Variants in KCNC1 observed in about 807,000 individuals in gnomAD.
The protein encoded by KCNC1 is potassium voltage-gated channel subfamily C member 1.
In KCNC1, 8 loss-of-function variants were observed where a neutral mutation model predicts 43.4. That is an observed-to-expected ratio of 0.18 (90% CI 0.11 to 0.33). The LOEUF is 0.33. KCNC1 is among the 10% of genes least tolerant of loss of function. The probability of loss-of-function intolerance (pLI) is 1.00; values close to 1 mark genes in which losing one functional copy is unlikely to be tolerated. For synonymous variants in KCNC1, 361 were observed against 360.5 expected, an observed-to-expected ratio of 1.00 and a Z score of -0.01; for missense variants, 420 against 836.0, an observed-to-expected ratio of 0.50 and a Z score of 6.14.
intron 2 of KCNC1, chr11:17,775,252 T>C (rs1465988800): frequency 1.5e-5 from 15 of 985,500 alleles, no homozygotes; most frequent in Non-Finnish European, 1.8e-5. Context: ...AGTTAGGGGC[T>C]GTGTGTGGCA....
rs990098280 is a variant in KCNC1 at position 17,771,178 on chromosome 11, C to T, written c.571-487C>T. 7.2e-5 allele frequency among the ~76,000 whole-genome samples: 11 copies of T among 152,142 alleles called. No individual in the cohort carries two copies. The highest frequency in any genetic ancestry group is 1.5e-4 in the Non-Finnish European group (10 of 68,034). ...GTTGGGAGAACAAATGGAGATCTGG[C>T]CTCTGAGGGGCTTCATTCCACTCTA... On this transcript the variant is annotated intron_variant, in intron 1 of 3. Transcript: ENST00000265969. This position sits in a 1 kb window ranked among gnomAD's most constrained non-coding sequence, Gnocchi z 4.7.
intron 2 of KCNC1, chr11:17,775,187 C>T: frequency 1.0e-6 from 1 of 985,624 alleles, no homozygotes; most frequent in Non-Finnish European, 1.2e-6. Context: ...ACCCCCAAGG[C>T]AGTCTAGTGG....
intron 2 of KCNC1, chr11:17,775,912 C>G: frequency 1.0e-6 from 1 of 985,568 alleles, no homozygotes; most frequent in South Asian, 4.7e-5. Context: ...GGTCTAAAGT[C>G]CCCTATCCCC....
chr11:17,752,717 A>G (rs1848982524), intron 1 of KCNC1, among the ~76,000 whole-genome samples: 1 of 152,346 alleles, frequency 6.6e-6, no homozygotes, highest in Non-Finnish European at 1.5e-5. Context: ...ACCATGGACA[A>G]CTTAACCTCT....
chr11:17,745,869 T>A (rs781586760), intron 1 of KCNC1, among the ~76,000 whole-genome samples: 2 of 152,184 alleles, frequency 1.3e-5, no homozygotes, highest in Non-Finnish European at 2.9e-5. Context: ...CTTTGCTCTT[T>A]TCTCCTTGGC....
rs371043264 is a variant in KCNC1, at chr11:17,755,368, G to A, written c.571-16297G>A. Among the ~76,000 whole-genome samples the A allele has an allele frequency of 1.4e-4, 22 of 152,230 alleles. 1 individual carries two copies. The highest frequency in any genetic ancestry group is 4.8e-4 in the African/African-American group (20 of 41,542). ...TCTGAGCAGAGAAATGACACAGTTC[G>A]ATTCATGTTTTAAAAGCTGTGTTGA... On this transcript the variant is annotated intron_variant, in intron 1 of 3. Coordinates refer to ENST00000265969, the MANE Select transcript of KCNC1 (RefSeq NM_001112741.2).
In KCNC1 at chr11:17,772,381, C is replaced by T. The variant is rs139804857; in HGVS notation, c.1287C>T (p.Ala429=). 2 of 1,614,208 alleles carry T rather than the reference C, an allele frequency of 1.2e-6. No homozygotes were observed. Among genetic ancestry groups the T allele is most frequent in the Non-Finnish European group, 1.7e-6 (2 of 1,180,048 alleles). Residue 429 remains alanine (A), a synonymous_variant, in exon 2 of 4, where the codon GCC becomes GCT. Transcript: ENST00000265969. ...LCALAGVLTI[A]MPVPVIVNNF... The stretch of plus-strand genomic sequence containing the variant: ...CGCTGGCGGGCGTGCTCACCATCGC[C>T]ATGCCCGTGCCCGTCATCGTGAACA...
rs117744305 is a variant in KCNC1 at position 17,739,968 on chromosome 11, C to G, written c.570+3396C>G. Among the ~76,000 whole-genome samples the G allele has an allele frequency of 0.036, 5,552 of 152,264 alleles. 115 individuals carry two copies. The highest frequency in any genetic ancestry group is 0.04 in the African/African-American group (1,647 of 41,548). ...CCCACTGCCTCAGTCTCTGGGACTC[C>G]GGAGTGGCCTAACTGAGGGCATTTC... On this transcript the variant is annotated intron_variant, in intron 1 of 3. Transcript: ENST00000265969. The surrounding 1 kb of genome is among the most constrained non-coding windows in gnomAD (Gnocchi z 4.2).
In KCNC1 at chr11:17,776,059, G is replaced by C; in HGVS notation, c.1505-3397G>C. ...AGTTTCTGCAGGGACCCAGCTGCAGGGTCAGCAGCCTGTGGGCCCTGAGTG... is the reference window on the plus strand; with the variant it reads ...AGTTTCTGCAGGGACCCAGCTGCAGCGTCAGCAGCCTGTGGGCCCTGAGTG... On this transcript the variant is annotated intron_variant, in intron 2 of 3. Coordinates refer to ENST00000265969, the MANE Select transcript of KCNC1 (RefSeq NM_001112741.2). The surrounding 1 kb of genome is among the most constrained non-coding windows in gnomAD (Gnocchi z 4.4). 1.0e-6 allele frequency: 1 copy of C among 985,418 alleles called. No individual in the cohort carries two copies. Among genetic ancestry groups the C allele is most frequent in the African/African-American group, 1.7e-5 (1 of 57,336 alleles). 61.0% of individuals were successfully genotyped at this position (985,418 alleles called of 1,614,324 possible). A position where few individuals can be genotyped will look rare whatever the true frequency, so the allele number is the denominator to read the frequency against.
At chr11:17,741,746 C>T (rs907440978) in intron 1 of KCNC1, among the ~76,000 whole-genome samples, 2 of 152,244 alleles carry the variant, frequency 1.3e-5, no homozygotes, top group Admixed American at 1.3e-4. Flanking sequence ...CTGTCTCCAT[C>T]GCTTACCAAA....
At position 17,781,072 on chromosome 11, in the gene KCNC1, T is replaced by C. The variant is rs1236266743; in HGVS notation, c.1694-598T>C. ...GCAGGTAGACGGTTCCCAGTGTCTG[T>C]GCCCTGCCCAGTAAGCTCTCGTGGG... On this transcript the variant is annotated intron_variant, in intron 3 of 3. Coordinates refer to ENST00000265969, the MANE Select transcript of KCNC1 (RefSeq NM_001112741.2). This position sits in a 1 kb window ranked among gnomAD's most constrained non-coding sequence, Gnocchi z 5.1. 6.6e-6 allele frequency: 1 copy of C among 152,298 alleles called. No homozygotes were observed. Among genetic ancestry groups the C allele is most frequent in the East Asian group, 1.9e-4 (1 of 5,204 alleles). 9.4% of individuals were successfully genotyped at this position (152,298 alleles called of 1,614,324 possible). A position where few individuals can be genotyped will look rare whatever the true frequency, so the allele number is the denominator to read the frequency against.
At position 17,777,249 on chromosome 11, in the gene KCNC1, G is replaced by A; in HGVS notation, c.1505-2207G>A. On this transcript the variant is annotated intron_variant, in intron 2 of 3. Coordinates refer to ENST00000265969, the MANE Select transcript of KCNC1 (RefSeq NM_001112741.2). This position sits in a 1 kb window ranked among gnomAD's most constrained non-coding sequence, Gnocchi z 4.3. ...CCACAGAGGCAGAGGCAGAGAGAAG[G>A]CACCCCCCTCTGACCCACCCCTCCC... 2.3e-5 allele frequency: 23 copies of A among 985,768 alleles called. No individual in the cohort carries two copies. Among genetic ancestry groups the A allele is most frequent in the Non-Finnish European group, 2.8e-5 (23 of 830,054 alleles). The allele number at this position is 985,768 out of a possible 1,614,324, so 61.1% of individuals were successfully genotyped here.
intron 2 of KCNC1, chr11:17,775,281 T>TGCCCCCCCCCCCC: frequency 7.5e-6 from 7 of 935,842 alleles, no homozygotes; most frequent in Non-Finnish European, 8.9e-6. Context: ...TCTGAGGGCA[T>TGCCCCCCCCCCCC]CCCTCCCGCC....
rs1488830578 is a variant in KCNC1, at chr11:17,777,996, TC to T, written c.1505-1454del. Among the ~76,000 whole-genome samples the T allele has an allele frequency of 3.3e-5, 5 of 152,224 alleles. No homozygotes were observed. In the East Asian group the frequency reaches 5.8e-4, roughly 18 times the overall value. On this transcript the variant is annotated intron_variant, in intron 2 of 3. Coordinates refer to ENST00000265969, the MANE Select transcript of KCNC1 (RefSeq NM_001112741.2). The surrounding 1 kb of genome is among the most constrained non-coding windows in gnomAD (Gnocchi z 4.3). ...CGGGTGGACATTGTCTCCAGCCTTT[TC>T]CCCCCACTCTACTCTTTCAGAGAGC...
rs562216368 is a variant in KCNC1 at position 17,745,570 on chromosome 11, C to T, written c.570+8998C>T. On this transcript the variant is annotated intron_variant, in intron 1 of 3. Coordinates refer to ENST00000265969, the MANE Select transcript of KCNC1 (RefSeq NM_001112741.2). ...GTGCTATCGGACCAAGTCAGCCCTC[C>T]GCTCCATCTCACGCTGGGGTCTGGG... Among the ~76,000 whole-genome samples, 91 of 152,250 alleles carry T rather than the reference C, an allele frequency of 6.0e-4. 2 individuals carry two copies. The South Asian group carries it at 0.012, about 21-fold the overall frequency.
At chr11:17,744,472 C>T (rs1848876221) in intron 1 of KCNC1, among the ~76,000 whole-genome samples, 1 of 152,242 alleles carries the variant, frequency 6.6e-6, no homozygotes, top group Admixed American at 6.5e-5. Flanking sequence ...AGTGATCGCA[C>T]CCCTGCCTGA....
rs745968113 is a variant in KCNC1 at position 17,771,730 on chromosome 11, C to T, written c.636C>T (p.His212=). 33 of 1,613,566 alleles carry T rather than the reference C, an allele frequency of 2.0e-5. No individual in the cohort carries two copies. The highest frequency in any genetic ancestry group is 1.0e-4 in the Admixed American group (6 of 60,008). Reference sequence around the variant, plus strand: ...TCACCACCTTCTGCCTGGAGACCCACGAGCGCTTCAACCCCATCGTGAACA... The same window carrying T: ...TCACCACCTTCTGCCTGGAGACCCATGAGCGCTTCAACCCCATCGTGAACA... ...VSITTFCLET[H]ERFNPIVNKT... Residue 212 remains histidine, a synonymous_variant, in exon 2 of 4, where the codon CAC becomes CAT. Coordinates refer to ENST00000265969, the MANE Select transcript of KCNC1 (RefSeq NM_001112741.2). The surrounding 1 kb of genome is among the most constrained non-coding windows in gnomAD (Gnocchi z 4.7).
rs1848854934 is a variant in KCNC1, at chr11:17,742,551, G to C, written c.570+5979G>C. ...CCCCAGCGTGAGCTCCCCTCTGCTA[G>C]GTGCAAGGTTAGAGGAAAAGGAGGG... On this transcript the variant is annotated intron_variant, in intron 1 of 3. Coordinates refer to ENST00000265969, the MANE Select transcript of KCNC1 (RefSeq NM_001112741.2). The surrounding 1 kb of genome is among the most constrained non-coding windows in gnomAD (Gnocchi z 4.2). Among the ~76,000 whole-genome samples, 1 of 152,214 alleles carries C rather than the reference G, an allele frequency of 6.6e-6. No individual in the cohort carries two copies. The highest frequency in any genetic ancestry group is 2.1e-4 in the South Asian group (1 of 4,828).
rs988339025 is a variant in KCNC1 at position 17,776,031 on chromosome 11, G to A, written c.1505-3425G>A. On this transcript the variant is annotated intron_variant, in intron 2 of 3. Coordinates refer to ENST00000265969, the MANE Select transcript of KCNC1 (RefSeq NM_001112741.2). This position sits in a 1 kb window ranked among gnomAD's most constrained non-coding sequence, Gnocchi z 4.4. Reference sequence around the variant, plus strand: ...CTGACTAGGCGGCGGGTGGGGCTAAGAGAGTTTCTGCAGGGACCCAGCTGC... The same window carrying A: ...CTGACTAGGCGGCGGGTGGGGCTAAAAGAGTTTCTGCAGGGACCCAGCTGC... 1.4e-5 allele frequency: 14 copies of A among 985,358 alleles called. No homozygotes were observed. The highest frequency in any genetic ancestry group is 1.7e-5 in the Non-Finnish European group (14 of 830,000). 61.0% of individuals were successfully genotyped at this position (985,358 alleles called of 1,614,324 possible).
Sources: gnomAD v4.1 joint callset for allele counts (sites outside exome capture counted in the v4.1 genomes callset) on GRCh38, gnomAD v4.1.1 for gene constraint, Gnocchi (gnomAD v3.1) non-coding constraint, MANE v1.5 for transcripts, NCBI Gene and HGNC (gene_info 2026-07-23, HGNC 2026-07-21) for gene names.